SLC39A12: variants seen among roughly 807,000 people sequenced by gnomAD.
The protein encoded by SLC39A12 is zinc transporter ZIP12.
A neutral mutation model predicts 71.1 loss-of-function variants in SLC39A12; 63 were observed. That is an observed-to-expected ratio of 0.89 (90% CI 0.72 to 1.09). The LOEUF is 1.09. Ranked by LOEUF, SLC39A12 falls within the 50% of genes least tolerant of loss-of-function variation. The pLI, the probability that SLC39A12 is intolerant of heterozygous loss-of-function variation, is 0.00. For synonymous variants in SLC39A12, 351 were observed against 301.3 expected, an observed-to-expected ratio of 1.16 and a Z score of -1.71; for missense variants, 892 against 812.6, an observed-to-expected ratio of 1.10 and a Z score of -1.19.
intron 10 of SLC39A12, among the ~76,000 whole-genome samples, chr10:17,997,180 G>A (rs1051547448): frequency 1.3e-5 from 2 of 152,170 alleles, no homozygotes; most frequent in African/African-American, 2.4e-5. Context: ...CTTCAGGCAT[G>A]TTTTATGCAG....
chr10:17,970,770 A>G lies in SLC39A12; in HGVS notation c.751+5080A>G, dbSNP rs1011652163. 1.1e-4 allele frequency among the ~76,000 whole-genome samples: 16 copies of G among 151,574 alleles called. No individual in the cohort carries two copies. The East Asian group carries it at 2.0e-3, about 18-fold the overall frequency. On this transcript the variant is annotated intron_variant, in intron 4 of 12. Transcript: ENST00000377369. ...AAACAAGGATAATTTGACTTCTTCC[A>G]TTCCAATTTGGATGCCCTTTATTTC...
At chr10:18,004,097 C>T (rs1242811048) in intron 12 of SLC39A12, among the ~76,000 whole-genome samples, 2 of 152,154 alleles carry the variant, frequency 1.3e-5, no homozygotes, top group African/African-American at 4.8e-5. Context: ...TTCACATTGT[C>T]TTGCTTCTTA....
intron 5 of SLC39A12, among the ~76,000 whole-genome samples, chr10:17,979,153 T>A (rs1247713048): frequency 1.3e-5 from 2 of 152,204 alleles, no homozygotes; most frequent in East Asian, 1.9e-4. Context: ...TTTTAAAGAT[T>A]GTTGGCTGCA....
chr10:17,958,863 G>A (rs922127021), intron 2 of SLC39A12, among the ~76,000 whole-genome samples: 1 of 152,042 alleles, frequency 6.6e-6, no homozygotes, highest in African/African-American at 2.4e-5. Context: ...GAAATATTTG[G>A]TGGATTATTA....
chr10:18,023,097 G>A (rs1315408976), intron 12 of SLC39A12, among the ~76,000 whole-genome samples: 2 of 152,052 alleles, frequency 1.3e-5, no homozygotes, highest in Admixed American at 1.3e-4. Context: ...TGGCCCTCTG[G>A]GGCTGTGCAT....
At chr10:17,966,854 G>C (rs551474448) in intron 4 of SLC39A12, among the ~76,000 whole-genome samples, 1 of 151,760 alleles carries the variant, frequency 6.6e-6, no homozygotes, top group African/African-American at 2.4e-5. Context: ...TGTGCCTGTA[G>C]TCCCAGCTAC....
intron 10 of SLC39A12, among the ~76,000 whole-genome samples, chr10:18,000,283 T>G (rs1835795525): frequency 6.6e-6 from 1 of 152,180 alleles, no homozygotes; most frequent in South Asian, 2.1e-4. Flanking sequence ...GACACAAACA[T>G]TTAGTCTATA....
intron 4 of SLC39A12, among the ~76,000 whole-genome samples, chr10:17,968,144 A>G (rs1834880937): frequency 6.6e-6 from 1 of 151,314 alleles, no homozygotes. Flanking sequence ...TTTTTGTATG[A>G]TTTTTAGGGG....
chr10:18,029,349 C>G (rs2497778), intron 12 of SLC39A12, among the ~76,000 whole-genome samples: 1 of 151,928 alleles, frequency 6.6e-6, no homozygotes, highest in Non-Finnish European at 1.5e-5. Context: ...ATGATTCACA[C>G]TTGAAAAAAG....
intron 12 of SLC39A12, among the ~76,000 whole-genome samples, chr10:18,027,083 G>A (rs1367605080): frequency 2.6e-5 from 4 of 152,098 alleles, no homozygotes; most frequent in Admixed American, 1.3e-4. Flanking sequence ...AATTTGAAAG[G>A]TGAACATGTT....
chr10:17,987,726 C>A, intron 7 of SLC39A12, 75 bp downstream of exon 7: 2 of 1,471,318 alleles, frequency 1.4e-6, no homozygotes, highest in Middle Eastern at 1.8e-4. Context: ...GGTATTTATG[C>A]AAAATTTTAC....
intron 5 of SLC39A12, among the ~76,000 whole-genome samples, chr10:17,978,502 A>G (rs561247997): frequency 6.6e-6 from 1 of 152,302 alleles, no homozygotes; most frequent in African/African-American, 2.4e-5. Context: ...TGACTCTTTC[A>G]GACTCATGTT....
chr10:18,023,625 G>C (rs188192856), intron 12 of SLC39A12, among the ~76,000 whole-genome samples: 416 of 152,228 alleles, frequency 2.7e-3, no homozygotes, highest in African/African-American at 9.6e-3. Flanking sequence ...GGAGTCAAGG[G>C]CTCACAGGGA....
intron 4 of SLC39A12, among the ~76,000 whole-genome samples, chr10:17,973,550 T>A (rs1449507071): frequency 6.6e-6 from 1 of 152,182 alleles, no homozygotes; most frequent in Non-Finnish European, 1.5e-5. Context: ...ACTTTAAATA[T>A]GTTATGCCAC....
intron 4 of SLC39A12, among the ~76,000 whole-genome samples, chr10:17,966,364 G>A (rs1834824651): frequency 6.6e-6 from 1 of 152,118 alleles, no homozygotes; most frequent in Non-Finnish European, 1.5e-5. Context: ...AGACTCAAGT[G>A]CAGTGGTGGG....
chr10:17,966,134 A>G (rs776422915), intron 4 of SLC39A12, among the ~76,000 whole-genome samples: 1 of 152,222 alleles, frequency 6.6e-6, no homozygotes, highest in Non-Finnish European at 1.5e-5. Flanking sequence ...TGAAATAGCC[A>G]TCCTTGCTGC....
intron 4 of SLC39A12, 137 bp downstream of exon 4, chr10:17,965,827 C>A: frequency 1.3e-6 from 1 of 743,328 alleles, no homozygotes; most frequent in Non-Finnish European, 2.1e-6. Context: ...GTCATAAAGT[C>A]AGACAGCTTA....
At chr10:18,016,836 A>G (rs1478426174) in intron 12 of SLC39A12, among the ~76,000 whole-genome samples, 1 of 152,158 alleles carries the variant, frequency 6.6e-6, no homozygotes. Flanking sequence ...GCCATCATAC[A>G]TCTTCTTTGG....
At chr10:18,040,843 G>A (rs1421979410) in intron 12 of SLC39A12, among the ~76,000 whole-genome samples, 3 of 151,318 alleles carry the variant, frequency 2.0e-5, no homozygotes, top group Non-Finnish European at 2.9e-5. Context: ...TCATTTGATC[G>A]ATAAAATAAT....
Sources: gnomAD v4.1 joint callset for allele counts (sites outside exome capture counted in the v4.1 genomes callset) on GRCh38, gnomAD v4.1.1 for gene constraint, MANE v1.5 for transcripts, NCBI Gene and HGNC (gene_info 2026-07-23, HGNC 2026-07-21) for gene names.